The following EMID1 variants were observed in gnomAD, a reference collection of about 807,000 sequenced individuals.
EMID1 encodes the protein EMI domain containing 1, also known as EMI domain-containing protein 1.
A neutral mutation model predicts 60.6 loss-of-function variants in EMID1; 40 were observed. The observed-to-expected ratio is 0.66, with a 90% CI of 0.51 to 0.86. EMID1 has a LOEUF of 0.86. Ranked by LOEUF, EMID1 falls within the 40% of genes least tolerant of loss-of-function variation. The pLI is 0.00. For synonymous variants in EMID1, 242 were observed against 231.0 expected (o/e 1.05, Z -0.43); for missense variants, 585 against 597.1 (o/e 0.98, Z 0.21).
chr22:29,229,868 C>G (rs1208566414), intron 5 of EMID1, among the ~76,000 whole-genome samples: 1 of 152,188 alleles, frequency 6.6e-6, no homozygotes, highest in Non-Finnish European at 1.5e-5. Context: ...TGGACAGGCC[C>G]CCACGATCCC....
At chr22:29,222,858 A>G (rs2040350067) in intron 3 of EMID1, among the ~76,000 whole-genome samples, 1 of 152,104 alleles carries the variant, frequency 6.6e-6, no homozygotes, top group South Asian at 2.1e-4. Context: ...TTGGGAGGCC[A>G]AGGCGGGTGG....
chr22:29,251,886 C>T lies in EMID1; in HGVS notation c.1120-2317C>T, dbSNP rs1569007229. 2.0e-5 allele frequency among the ~76,000 whole-genome samples: 3 copies of T among 152,176 alleles called. No homozygotes were observed. The South Asian group carries it at 6.2e-4, about 32-fold the overall frequency. ...CACCATGTTGGCCAGGCTGCTTTTG[C>T]ACTCCTGACCTCAAGTGATCTGCCC... On this transcript the variant is annotated intron_variant, in intron 13 of 14. Transcript: ENST00000334018.
At chr22:29,248,931 T>C (rs2041424711) in intron 13 of EMID1, among the ~76,000 whole-genome samples, 1 of 152,218 alleles carries the variant, frequency 6.6e-6, no homozygotes, top group Non-Finnish European at 1.5e-5. Context: ...TGTGGAGATA[T>C]GCAATCCATC....
intron 3 of EMID1, among the ~76,000 whole-genome samples, chr22:29,223,778 C>A (rs545865649): frequency 6.6e-6 from 1 of 152,296 alleles, no homozygotes; most frequent in East Asian, 1.9e-4. Context: ...AGTTTCCCTA[C>A]CTGGAAAGTG....
At chr22:29,230,348 A>C (rs866249648) in intron 5 of EMID1, among the ~76,000 whole-genome samples, 302 of 146,980 alleles carry the variant, frequency 2.1e-3, no homozygotes, top group African/African-American at 7.1e-3. Flanking sequence ...AAAAAAAAAA[A>C]CAAAAAAACA....
chr22:29,233,106 A>T lies in EMID1; in HGVS notation c.824-273A>T. 6.0e-6 allele frequency: 3 copies of T among 499,190 alleles called. No homozygotes were observed. In the South Asian group the frequency reaches 8.7e-5, roughly 14 times the overall value. 30.9% of individuals were successfully genotyped at this position (499,190 alleles called of 1,614,324 possible). ...TATCTTTTATTGTCATTCCCATTTG[A>T]CAGGTGACAGTACAGGCTCTGAAAA... On this transcript the variant is annotated intron_variant, in intron 8 of 14. Coordinates refer to ENST00000334018, the MANE Select transcript of EMID1 (RefSeq NM_133455.4).
In EMID1 at chr22:29,254,295, GAGAC is replaced by G. The variant is rs1386280481; in HGVS notation, c.1204+17_1204+20del. Reference sequence around the variant, plus strand: ...CAATGATTGGGCTCTATGGTGAGTAGAGACAGACAGACGGACAGACGGCCCAGCC... The same window carrying G: ...CAATGATTGGGCTCTATGGTGAGTAGAGACAGACGGACAGACGGCCCAGCC... On this transcript the variant is annotated intron_variant, in intron 14 of 14. Transcript: ENST00000334018. 3 of 1,613,382 alleles carry G rather than the reference GAGAC, an allele frequency of 1.9e-6. No individual in the cohort carries two copies. Among genetic ancestry groups the G allele is most frequent in the African/African-American group, 1.3e-5 (1 of 75,030 alleles).
chr22:29,231,701 G>A lies in EMID1; in HGVS notation c.676+19G>A. The A allele has an allele frequency of 6.9e-7, 1 of 1,443,478 alleles. No individual in the cohort carries two copies. Among genetic ancestry groups the A allele is most frequent in the African/African-American group, 1.4e-5 (1 of 69,704 alleles). The allele number at this position is 1,443,478 out of a possible 1,614,324, so 89.4% of individuals were successfully genotyped here. ...CCACCAGGTGAGTGCCCGCAATGCT[G>A]CCCCACAGCTCCTCTGGCCATCCCC... On this transcript the variant is annotated intron_variant, in intron 7 of 14. Coordinates refer to ENST00000334018, the MANE Select transcript of EMID1 (RefSeq NM_133455.4).
At chr22:29,254,966 C>T (rs1035760451) in intron 14 of EMID1, among the ~76,000 whole-genome samples, 7 of 152,304 alleles carry the variant, frequency 4.6e-5, no homozygotes, top group African/African-American at 1.4e-4. Context: ...GTCCCCTTTG[C>T]AGTTTTCCCT....
chr22:29,238,527 C>T lies in EMID1; in HGVS notation c.1074+4178C>T, dbSNP rs928625091. 7.7e-5 allele frequency among the ~76,000 whole-genome samples: 11 copies of T among 142,394 alleles called. 1 individual carries two copies. The highest frequency in any genetic ancestry group is 1.5e-4 in the Non-Finnish European group (10 of 66,742). The allele number at this position is 142,394 out of a possible 152,430, so 93.4% of individuals were successfully genotyped here. A position where few individuals can be genotyped will look rare whatever the true frequency, so the allele number is the denominator to read the frequency against. ...CCGCTTCCTGGGTTCAAGCGATTCT[C>T]CTGCCTCAGCCTCCCAAATAGCTGG... is the stretch of plus-strand genomic sequence containing the variant. On this transcript the variant is annotated intron_variant, in intron 12 of 14. Coordinates refer to ENST00000334018, the MANE Select transcript of EMID1 (RefSeq NM_133455.4).
intron 13 of EMID1, among the ~76,000 whole-genome samples, chr22:29,250,670 G>A (rs2041492188): frequency 7.5e-6 from 1 of 133,466 alleles, no homozygotes; most frequent in Non-Finnish European, 1.6e-5. Flanking sequence ...AGGTTCAAAC[G>A]ATTCTCCCAC....
rs372860826 is a variant in EMID1, at chr22:29,231,618, C to T, written c.612C>T (p.Pro204=). ...ACCAAGTCGGTGCTTGGGGGCTTCCCGGGCCCACCGGCCCCAAGGGAGATG... is the reference window on the plus strand; with the variant it reads ...ACCAAGTCGGTGCTTGGGGGCTTCCTGGGCCCACCGGCCCCAAGGGAGATG... ...LQDQVGAWGL[P]GPTGPKGDAG... The change falls in exon 7 of 15, where the codon CCC becomes CCT. Residue 204 remains proline, a synonymous_variant. Coordinates refer to ENST00000334018, the MANE Select transcript of EMID1 (RefSeq NM_133455.4). The T allele has an allele frequency of 3.0e-5, 45 of 1,520,070 alleles. No individual in the cohort carries two copies. In the African/African-American group the frequency reaches 3.7e-4, roughly 13 times the overall value. The allele number at this position is 1,520,070 out of a possible 1,614,324, so 94.2% of individuals were successfully genotyped here.
Position 29,233,465 on chromosome 22 carries a change from A to G in EMID1, c.910A>G (p.Met304Val), listed in dbSNP as rs2040828550. ...TGGGCCTCCAGGCCCTCCAGGGCCC[A>G]TGGGTAAGTTGAGTCCAGGCCAGGG... is the stretch of plus-strand genomic sequence containing the variant. Reference protein sequence around the residue: ...PTGPPGPPGPMGPPGPPGPTG... With the variant: ...PTGPPGPPGPVGPPGPPGPTG... The change falls in exon 9 of 15, where the codon ATG (methionine) becomes GTG (valine). Residue 304 changes from methionine to valine, a missense_variant. Met to Val is a conservative substitution (Grantham distance 21). Coordinates refer to ENST00000334018, the MANE Select transcript of EMID1 (RefSeq NM_133455.4). 2 of 1,613,938 alleles carry G rather than the reference A, an allele frequency of 1.2e-6. No homozygotes were observed. The highest frequency in any genetic ancestry group is 1.7e-6 in the Non-Finnish European group (2 of 1,179,912).
At chr22:29,252,576 T>C (rs1219874161) in intron 13 of EMID1, among the ~76,000 whole-genome samples, 2 of 152,290 alleles carry the variant, frequency 1.3e-5, no homozygotes, top group East Asian at 1.9e-4. Flanking sequence ...TGGAGCGTTG[T>C]CAAGACTATG....
At chr22:29,245,246 T>C (rs958816305) in intron 13 of EMID1, among the ~76,000 whole-genome samples, 2 of 152,176 alleles carry the variant, frequency 1.3e-5, no homozygotes, top group Admixed American at 6.5e-5. Context: ...TGGGATCAGA[T>C]AGACCCATGC....
At chr22:29,207,706 G>A (rs943237663) in intron 1 of EMID1, among the ~76,000 whole-genome samples, 28 of 152,202 alleles carry the variant, frequency 1.8e-4, no homozygotes, top group African/African-American at 6.3e-4. Flanking sequence ...ACAGTAGCCT[G>A]AGCATCCCAA....
intron 4 of EMID1, 38 bp from the exon 5 acceptor site, chr22:29,226,452 A>T (rs1377787242): frequency 6.2e-7 from 1 of 1,602,890 alleles, no homozygotes; most frequent in Non-Finnish European, 8.5e-7. Context: ...GAAGCCTAGG[A>T]CCCTTGGCCC....
intron 12 of EMID1, among the ~76,000 whole-genome samples, chr22:29,241,524 G>A (rs2041153262): frequency 6.6e-6 from 1 of 152,008 alleles, no homozygotes; most frequent in African/African-American, 2.4e-5. Context: ...GAGTAGCTGG[G>A]ATTACAGGCA....
intron 3 of EMID1, among the ~76,000 whole-genome samples, chr22:29,224,060 G>A (rs1198250598): frequency 6.6e-6 from 1 of 152,238 alleles, no homozygotes; most frequent in African/African-American, 2.4e-5. Context: ...AGCCCCCTGT[G>A]CCTGGGCAAG....
Sources: gnomAD v4.1 joint callset for allele counts (sites outside exome capture counted in the v4.1 genomes callset) on GRCh38, gnomAD v4.1.1 for gene constraint, MANE v1.5 for transcripts, NCBI Gene and HGNC (gene_info 2026-07-23, HGNC 2026-07-21) for gene names.